The following CSMD3 variants were observed in gnomAD, a reference collection of about 807,000 sequenced individuals.
CSMD3 encodes CUB and sushi domain-containing protein 3.
A neutral mutation model predicts 435.2 loss-of-function variants in CSMD3; 177 were observed. The observed-to-expected ratio is 0.41, with a 90% confidence interval of 0.36 to 0.46. The LOEUF is 0.46. Ranked by LOEUF, CSMD3 falls within the 20% of genes least tolerant of loss-of-function variation. The pLI, the probability that CSMD3 is intolerant of heterozygous loss-of-function variation, is 0.34. For synonymous variants in CSMD3, 1,656 were observed against 1,520.5 expected, an observed-to-expected ratio of 1.09 and a Z score of -2.07; for missense variants, 4,265 against 4,504.6, an observed-to-expected ratio of 0.95 and a Z score of 1.52.
intron 3 of CSMD3, among the ~76,000 whole-genome samples, chr8:113,188,342 T>C (rs1415677309): frequency 6.6e-6 from 1 of 152,022 alleles, no homozygotes; most frequent in African/African-American, 2.4e-5. Flanking sequence ...CAGATATTTA[T>C]TTGGTTAAAG....
intron 66 of CSMD3, among the ~76,000 whole-genome samples, chr8:112,240,483 T>C (rs542957308): frequency 1.4e-4 from 22 of 152,228 alleles, no homozygotes; most frequent in African/African-American, 5.1e-4. Context: ...GTGTTGAATG[T>C]ATCAGTATAA....
chr8:112,905,554 A>G (rs112613683), intron 10 of CSMD3, among the ~76,000 whole-genome samples: 34 of 151,492 alleles, frequency 2.2e-4, no homozygotes, highest in African/African-American at 7.7e-4. Flanking sequence ...TTATTTTACA[A>G]TTTTGGAAGA....
intron 32 of CSMD3, among the ~76,000 whole-genome samples, chr8:112,434,693 A>T (rs1284130821): frequency 6.6e-6 from 1 of 152,148 alleles, no homozygotes; most frequent in East Asian, 1.9e-4. Context: ...GCTCCTTCTA[A>T]GACCCTAGAA....
intron 10 of CSMD3, among the ~76,000 whole-genome samples, chr8:112,897,680 CTCTCTCTCTCTCTCTGTGTG>C (rs1239286968): frequency 1.6e-4 from 14 of 88,740 alleles, no homozygotes; most frequent in African/African-American, 5.4e-4. Context: ...CTCTCTCTCT[CTCTCTCTCTCTCTCTGTGTG>C]TGTGTGTGTG....
chr8:112,383,945 T>G (rs16883508), intron 36 of CSMD3, among the ~76,000 whole-genome samples: 8,177 of 152,286 alleles, frequency 0.054, 408 homozygotes, highest in East Asian at 0.14. Flanking sequence ...TTCAAAAGAT[T>G]TGAGCTAATC....
In CSMD3 at chr8:112,244,479, C is replaced by G. The variant is rs140261245; in HGVS notation, c.10317G>C (p.Gln3439His). 2 of 1,613,698 alleles carry G rather than the reference C, an allele frequency of 1.2e-6. No homozygotes were observed. The highest frequency in any genetic ancestry group is 2.7e-5 in the African/African-American group (2 of 74,914). ...SHGYTLIYTC[Q>H]PGFFLAGGTE... ...TTCCACCTGCTAAGAAGAAGCCAGGCTGACAGGTATAAATCAGTGTATACC... is the reference window on the plus strand; with the variant it reads ...TTCCACCTGCTAAGAAGAAGCCAGGGTGACAGGTATAAATCAGTGTATACC... The change falls in exon 65 of 71, where the codon CAG (glutamine) becomes CAC (histidine). Residue 3439 changes from glutamine (Q) to histidine (H), a missense_variant. Physicochemically the swap from Gln to His is conservative, Grantham distance 24 (BLOSUM62 0). Transcript: ENST00000297405.
chr8:113,304,173 T>C (rs375309642), intron 2 of CSMD3, among the ~76,000 whole-genome samples: 1 of 100,382 alleles, frequency 1.0e-5, no homozygotes, highest in African/African-American at 4.1e-5. Context: ...ATGCTCATCA[T>C]CACTGGCCAT....
intron 32 of CSMD3, among the ~76,000 whole-genome samples, chr8:112,417,773 C>T (rs1812068552): frequency 6.6e-6 from 1 of 152,104 alleles, no homozygotes; most frequent in Non-Finnish European, 1.5e-5. Flanking sequence ...AGAGTGCATT[C>T]TACCTTTGTT....
At chr8:112,926,262 G>A (rs549766548) in intron 9 of CSMD3, among the ~76,000 whole-genome samples, 83 of 149,498 alleles carry the variant, frequency 5.6e-4, no homozygotes, top group African/African-American at 1.8e-3. Flanking sequence ...GTGTGTGAGC[G>A]TGTGTGTGTT....
At position 112,273,642 on chromosome 8, in the gene CSMD3, C is replaced by T. The variant is rs187199929; in HGVS notation, c.9508+7532G>A. On this transcript the variant is annotated intron_variant, in intron 59 of 70. Coordinates refer to ENST00000297405, the MANE Select transcript of CSMD3 (RefSeq NM_198123.2). Reference sequence around the variant, plus strand: ...TTGGGAGGCTGAGGCAGGAGAATGGCGTGAACCCGGTAGGTGGAGTTTGCA... The same window carrying T: ...TTGGGAGGCTGAGGCAGGAGAATGGTGTGAACCCGGTAGGTGGAGTTTGCA... Among the ~76,000 whole-genome samples the T allele has an allele frequency of 6.0e-3, 903 of 149,284 alleles. 11 individuals are homozygous for T. The highest frequency in any genetic ancestry group is 0.022 in the African/African-American group (874 of 40,380).
At chr8:112,799,432 CTGA>C (rs2078908802) in intron 13 of CSMD3, among the ~76,000 whole-genome samples, 2 of 151,872 alleles carry the variant, frequency 1.3e-5, no homozygotes, top group Non-Finnish European at 2.9e-5. Flanking sequence ...ACATAACATT[CTGA>C]TGATCTCTTG....
intron 16 of CSMD3, among the ~76,000 whole-genome samples, chr8:112,678,280 T>C (rs2075810905): frequency 1.3e-5 from 2 of 152,266 alleles, no homozygotes; most frequent in South Asian, 2.1e-4. Context: ...CATAAATATC[T>C]AGATGAAGTT....
chr8:113,320,247 A>G (rs893077781), intron 1 of CSMD3, among the ~76,000 whole-genome samples: 1 of 152,060 alleles, frequency 6.6e-6, no homozygotes, highest in African/African-American at 2.4e-5. Context: ...AATGCCTTAT[A>G]TTATGTTTTT....
At chr8:112,380,321 CT>C (rs1563866350) in intron 38 of CSMD3, 30 bp downstream of exon 38, 4 of 1,185,620 alleles carry the variant, frequency 3.4e-6, no homozygotes, top group South Asian at 1.2e-5. Flanking sequence ...TGTTCTTAAC[CT>C]TTTTGAATGG....
chr8:112,394,296 T>C (rs1453538233), intron 35 of CSMD3, among the ~76,000 whole-genome samples: 1 of 152,166 alleles, frequency 6.6e-6, no homozygotes, highest in Non-Finnish European at 1.5e-5. Context: ...AATCTTCCTA[T>C]CCAAATCACA....
At chr8:112,755,348 A>ATAT (rs1220374958) in intron 13 of CSMD3, among the ~76,000 whole-genome samples, 1 of 131,924 alleles carries the variant, frequency 7.6e-6, no homozygotes, top group African/African-American at 3.1e-5. Context: ...AATAATAATA[A>ATAT]TAATAATAAT....
chr8:113,020,628 G>T (rs899226654), intron 5 of CSMD3, among the ~76,000 whole-genome samples: 1 of 151,414 alleles, frequency 6.6e-6, no homozygotes, highest in African/African-American at 2.4e-5. Flanking sequence ...AAGAGTTTCA[G>T]ATTAAGAGTT....
At chr8:112,527,901 T>C (rs777456328) in intron 27 of CSMD3, among the ~76,000 whole-genome samples, 4 of 152,144 alleles carry the variant, frequency 2.6e-5, no homozygotes, top group African/African-American at 2.4e-5. Flanking sequence ...ATTCAACTAT[T>C]TGTGAAGTTC....
intron 35 of CSMD3, among the ~76,000 whole-genome samples, chr8:112,401,763 T>C (rs190135171): frequency 3.4e-4 from 52 of 152,302 alleles, no homozygotes; most frequent in African/African-American, 1.2e-3. Context: ...AACTTTCATA[T>C]AAATTTTAAA....
Sources: allele counts gnomAD v4.1 joint callset (sites outside exome capture counted in the v4.1 genomes callset), GRCh38; gene constraint gnomAD v4.1.1; transcripts MANE v1.5; gene names NCBI Gene and HGNC (gene_info 2026-07-23, HGNC 2026-07-21).